The following PTK7 variants were observed in gnomAD, a reference collection of about 807,000 sequenced individuals.
PTK7 encodes the protein inactive tyrosine-protein kinase 7.
In PTK7, 39 loss-of-function variants were observed where a neutral mutation model predicts 116.6. The ratio of observed to expected loss-of-function variants is 0.33; its 90% CI spans 0.26 to 0.44. PTK7 has a LOEUF of 0.44. Among genes scored for constraint, PTK7 ranks in the 20% least tolerant of loss-of-function variants. The pLI is 1.00. For synonymous variants in PTK7, 546 were observed against 563.6 expected, an observed-to-expected ratio of 0.97 and a Z score of 0.44; for missense variants, 1,169 against 1,425.6, an observed-to-expected ratio of 0.82 and a Z score of 2.90.
chr6:43,078,507 C>T (rs917687563), intron 1 of PTK7, among the ~76,000 whole-genome samples: 3 of 148,240 alleles, frequency 2.0e-5, no homozygotes, highest in Non-Finnish European at 4.4e-5. Context: ...ACTCAACCCA[C>T]CCCCAGACGC....
chr6:43,127,498 G>T (rs1769363169), intron 1 of PTK7, among the ~76,000 whole-genome samples: 1 of 152,214 alleles, frequency 6.6e-6, no homozygotes, highest in African/African-American at 2.4e-5. Flanking sequence ...ACCTTTGGTT[G>T]CGGGGACCCT....
intron 1 of PTK7, among the ~76,000 whole-genome samples, chr6:43,078,065 G>A (rs1462068381): frequency 6.6e-6 from 1 of 152,260 alleles, no homozygotes; most frequent in Non-Finnish European, 1.5e-5. Flanking sequence ...GGCTGTCCTG[G>A]TTGGGTTTTG....
At chr6:43,078,161 T>A (rs1178883269) in intron 1 of PTK7, among the ~76,000 whole-genome samples, 1 of 152,210 alleles carries the variant, frequency 6.6e-6, no homozygotes, top group Non-Finnish European at 1.5e-5. Context: ...AAGATGGGGC[T>A]CTTGCTCAAC....
Position 43,129,292 on chromosome 6 carries a change from C to A in PTK7, c.367+28C>A, listed in dbSNP as rs1251242438. 1.2e-5 allele frequency: 19 copies of A among 1,612,822 alleles called. No individual in the cohort carries two copies. The highest frequency in any genetic ancestry group is 1.4e-5 in the Non-Finnish European group (16 of 1,179,356). Reference sequence around the variant, plus strand: ...GAGAGCCAGGGGGGCTGTGCCCAGTCCCCCTGTCAGACCCTCAATGACTGA... The same window carrying A: ...GAGAGCCAGGGGGGCTGTGCCCAGTACCCCTGTCAGACCCTCAATGACTGA... On this transcript the variant is annotated intron_variant, in intron 2 of 19. Coordinates refer to ENST00000230419, the MANE Select transcript of PTK7 (RefSeq NM_002821.5). This position sits in a 1 kb window ranked among gnomAD's most constrained non-coding sequence, Gnocchi z 4.5.
At chr6:43,097,601 A>G (rs1767333428) in intron 1 of PTK7, among the ~76,000 whole-genome samples, 1 of 152,206 alleles carries the variant, frequency 6.6e-6, no homozygotes, top group Admixed American at 6.5e-5. Flanking sequence ...TGCACAGGAT[A>G]ATCTATAAAT....
At chr6:43,113,678 CAG>C (rs1768320020) in intron 1 of PTK7, among the ~76,000 whole-genome samples, 1 of 152,146 alleles carries the variant, frequency 6.6e-6, no homozygotes, top group Non-Finnish European at 1.5e-5. Context: ...AGTGCTGGGT[CAG>C]GGGTTCTGGA....
chr6:43,105,291 G>GAA (rs879682489), intron 1 of PTK7, among the ~76,000 whole-genome samples: 3 of 125,676 alleles, frequency 2.4e-5, no homozygotes, highest in South Asian at 2.5e-4. Flanking sequence ...ATGACAAAAA[G>GAA]AAAAAAAAAA....
intron 1 of PTK7, among the ~76,000 whole-genome samples, chr6:43,085,348 G>A (rs191841159): frequency 2.8e-4 from 43 of 152,052 alleles, no homozygotes; most frequent in African/African-American, 9.2e-4. Flanking sequence ...TCCCGGGTTC[G>A]CGCCATTCTC....
intron 1 of PTK7, among the ~76,000 whole-genome samples, chr6:43,077,641 TTGG>T (rs1202702508): frequency 6.6e-6 from 1 of 152,172 alleles, no homozygotes; most frequent in African/African-American, 2.4e-5. Context: ...ACAACACTCC[TTGG>T]TGGTCCTCGA....
chr6:43,116,603 T>TG (rs1561954108), intron 1 of PTK7, among the ~76,000 whole-genome samples: 77 of 126,248 alleles, frequency 6.1e-4, no homozygotes, highest in Non-Finnish European at 9.6e-4. Context: ...GAAAAGCTGG[T>TG]TTGTGTGTGT....
intron 1 of PTK7, among the ~76,000 whole-genome samples, chr6:43,083,729 G>T (rs1254342454): frequency 6.6e-6 from 1 of 152,170 alleles, no homozygotes; most frequent in East Asian, 1.9e-4. Flanking sequence ...GGTATGTGTT[G>T]AGTGAACGCT....
intron 7 of PTK7, among the ~76,000 whole-genome samples, chr6:43,135,857 C>A (rs977799055): frequency 1.3e-5 from 2 of 152,066 alleles, no homozygotes; most frequent in African/African-American, 2.4e-5. Context: ...GAGTTTGAGA[C>A]CAGCCTGGCC....
At chr6:43,109,691 G>A (rs1354704787) in intron 1 of PTK7, among the ~76,000 whole-genome samples, 2 of 151,570 alleles carry the variant, frequency 1.3e-5, no homozygotes, top group Admixed American at 6.6e-5. Context: ...CTAGTGCATT[G>A]GAGTATTTTC....
intron 17 of PTK7, among the ~76,000 whole-genome samples, chr6:43,151,064 A>G (rs967341815): frequency 2.0e-5 from 3 of 151,474 alleles, no homozygotes; most frequent in African/African-American, 7.3e-5. Context: ...CTTGTGATCC[A>G]CCCACCTTGG....
chr6:43,139,255 C>G lies in PTK7; in HGVS notation c.1482C>G (p.Ala494=), dbSNP rs776835676. 2.5e-6 allele frequency: 4 copies of G among 1,614,132 alleles called. No individual in the cohort carries two copies. In the Admixed American group the frequency reaches 6.7e-5, roughly 27 times the overall value. Residue 494 remains alanine (A), a synonymous_variant, in exon 9 of 20, where the codon GCC becomes GCG. Coordinates refer to ENST00000230419, the MANE Select transcript of PTK7 (RefSeq NM_002821.5). The surrounding 1 kb of genome is among the most constrained non-coding windows in gnomAD (Gnocchi z 4.6). ...CAGCCGGCAGCATCGAGGCGCAAGCCCGTGTCCAAGTGCTGGGTGAGCCAG... is the reference window on the plus strand; with the variant it reads ...CAGCCGGCAGCATCGAGGCGCAAGCGCGTGTCCAAGTGCTGGGTGAGCCAG... ...STPAGSIEAQ[A]RVQVLEKLKF... is the part of the protein sequence containing the mutation.
At chr6:43,128,908 A>C in intron 1 of PTK7, 69 bp from the exon 2 acceptor site, 1 of 1,488,844 alleles carries the variant, frequency 6.7e-7, no homozygotes. Context: ...CCTGTGCACA[A>C]GGTGGCCTGT....
At chr6:43,091,154 CTTTTT>C (rs35002545) in intron 1 of PTK7, among the ~76,000 whole-genome samples, 1 of 133,094 alleles carries the variant, frequency 7.5e-6, no homozygotes, top group Non-Finnish European at 1.6e-5. Flanking sequence ...TCGGTTTCCT[CTTTTT>C]TTTTTTTTTT....
rs778739588 is a variant in PTK7, at chr6:43,143,493, G to A, written c.2124G>A (p.Ser708=). 30 of 1,613,972 alleles carry A rather than the reference G, an allele frequency of 1.9e-5. No individual in the cohort carries two copies. The highest frequency in any genetic ancestry group is 7.7e-5 in the South Asian group (7 of 91,082). ...PYKMIQTIGL[S]VGAAVAYIIA... is the part of the protein sequence containing the mutation. ...AGATGATCCAGACCATTGGGTTGTCGGTGGGTGCCGCTGTGGCCTACATCA... is the reference window on the plus strand; with the variant it reads ...AGATGATCCAGACCATTGGGTTGTCAGTGGGTGCCGCTGTGGCCTACATCA... The change falls in exon 14 of 20, where the codon TCG becomes TCA. Residue 708 remains serine (S), a synonymous_variant. Transcript: ENST00000230419. The surrounding 1 kb of genome is among the most constrained non-coding windows in gnomAD (Gnocchi z 4.2).
intron 1 of PTK7, among the ~76,000 whole-genome samples, chr6:43,086,299 T>C (rs1326559332): frequency 1.3e-5 from 2 of 152,216 alleles, no homozygotes; most frequent in African/African-American, 2.4e-5. Context: ...CTGTCTGTGC[T>C]GTGGGGAGGT....
Sources: gnomAD v4.1 joint callset for allele counts (sites outside exome capture counted in the v4.1 genomes callset) on GRCh38, gnomAD v4.1.1 for gene constraint, Gnocchi (gnomAD v3.1) non-coding constraint, MANE v1.5 for transcripts, NCBI Gene and HGNC (gene_info 2026-07-23, HGNC 2026-07-21) for gene names.